DOCK2: variants seen among roughly 807,000 people sequenced by gnomAD.
DOCK2 encodes dedicator of cytokinesis 2, also known as dedicator of cytokinesis protein 2.
A neutral mutation model predicts 248.9 loss-of-function variants in DOCK2; 87 were observed. The ratio of observed to expected loss-of-function variants is 0.35; its 90% CI spans 0.29 to 0.42. DOCK2 has a LOEUF of 0.42. Ranked by LOEUF, DOCK2 falls within the 10% of genes least tolerant of loss-of-function variation. The probability of loss-of-function intolerance (pLI) is 1.00; values close to 1 mark genes in which losing one functional copy is unlikely to be tolerated. For synonymous variants in DOCK2, 805 were observed against 821.6 expected (o/e 0.98, Z 0.35); for missense variants, 1,747 against 2,300.2 (o/e 0.76, Z 4.92).
chr5:169,699,485 G>C (rs770559898), intron 12 of DOCK2, 27 bp downstream of exon 12: 73 of 1,599,342 alleles, frequency 4.6e-5, no homozygotes, highest in Non-Finnish European at 5.9e-5. Context: ...CCAGTGGGCT[G>C]AGCCTGCTCC....
At chr5:169,701,883 C>A (rs571510197) in intron 13 of DOCK2, among the ~76,000 whole-genome samples, 1 of 152,208 alleles carries the variant, frequency 6.6e-6, no homozygotes, top group African/African-American at 2.4e-5. Context: ...ACCCTGTGTC[C>A]CTAGGACACA....
At chr5:169,869,625 G>A (rs1205704771) in intron 27 of DOCK2, among the ~76,000 whole-genome samples, 2 of 152,218 alleles carry the variant, frequency 1.3e-5, no homozygotes, top group Non-Finnish European at 2.9e-5. Flanking sequence ...GTAGAAAAGA[G>A]AAGATGCATT....
chr5:169,901,146 T>C (rs575273620), intron 27 of DOCK2, among the ~76,000 whole-genome samples: 1 of 152,186 alleles, frequency 6.6e-6, no homozygotes, highest in South Asian at 2.1e-4. Context: ...GATGTTTGCA[T>C]TGAGGAGGGA....
At chr5:170,055,942 T>G (rs1356415113) in intron 42 of DOCK2, among the ~76,000 whole-genome samples, 1 of 152,260 alleles carries the variant, frequency 6.6e-6, no homozygotes, top group African/African-American at 2.4e-5. Context: ...GGGGCCTCTG[T>G]GGGACCCAAG....
chr5:169,757,827 A>T lies in DOCK2; in HGVS notation c.2377-1878A>T, dbSNP rs1253932149. Among the ~76,000 whole-genome samples the T allele has an allele frequency of 2.0e-5, 3 of 152,226 alleles. No homozygotes were observed. In the East Asian group the frequency reaches 5.8e-4, roughly 29 times the overall value. On this transcript the variant is annotated intron_variant, in intron 23 of 51. Coordinates refer to ENST00000520908, the MANE Select transcript of DOCK2 (RefSeq NM_004946.3). ...TCAATAAATATGGAAAAGATGCTCA[A>T]CCATACTAGCCACCAAAAAGTTGCA... is the stretch of plus-strand genomic sequence containing the variant.
chr5:169,761,439 C>T, intron 24 of DOCK2, 80 bp from the exon 25 acceptor site: 2 of 1,195,454 alleles, frequency 1.7e-6, no homozygotes, highest in East Asian at 2.4e-5. Flanking sequence ...GCTAGAGGTC[C>T]AGGGATGGAC....
chr5:169,943,257 T>C (rs910737641), intron 27 of DOCK2, among the ~76,000 whole-genome samples: 1 of 152,106 alleles, frequency 6.6e-6, no homozygotes, highest in Non-Finnish European at 1.5e-5. Flanking sequence ...TACATTTCCT[T>C]TGAAGAAAAC....
In DOCK2 at chr5:170,040,322, C is replaced by G. The variant is rs1366833004; in HGVS notation, c.3666-733C>G. ...CCCTTCCTTTGTCCTTGTTCTCATC[C>G]TCAGTACCCTCAGTTATATTGCCAT... On this transcript the variant is annotated intron_variant, in intron 36 of 51. Transcript: ENST00000520908. 3.9e-5 allele frequency among the ~76,000 whole-genome samples: 6 copies of G among 152,318 alleles called. No homozygotes were observed. The South Asian group carries it at 8.3e-4, about 21-fold the overall frequency.
chr5:169,951,081 A>G (rs1581463133), intron 27 of DOCK2, among the ~76,000 whole-genome samples: 1 of 152,280 alleles, frequency 6.6e-6, no homozygotes, highest in South Asian at 2.1e-4. Flanking sequence ...AGCTGATGAG[A>G]CCTGCCTGCC....
chr5:169,714,559 CT>C, intron 19 of DOCK2, 102 bp downstream of exon 19: 1 of 1,268,852 alleles, frequency 7.9e-7, no homozygotes, highest in African/African-American at 1.5e-5. Flanking sequence ...CATGGGGAAA[CT>C]TTTCTTCCAA....
At position 169,698,249 on chromosome 5, in the gene DOCK2, T is replaced by C. The variant is rs149011296; in HGVS notation, c.980-125T>C. The C allele has an allele frequency of 3.3e-3, 2,879 of 861,992 alleles. 55 individuals are homozygous for C. In the African/African-American group the frequency reaches 0.043, roughly 13 times the overall value. 53.4% of individuals were successfully genotyped at this position (861,992 alleles called of 1,614,324 possible). On this transcript the variant is annotated intron_variant, in intron 10 of 51. Transcript: ENST00000520908. ...TTGTGCAGCACTGGCTTGCTTGCCA[T>C]TTTAGGCCTTCCTGACCCCCAGGCA...
intron 27 of DOCK2, among the ~76,000 whole-genome samples, chr5:169,944,924 A>G (rs1169171317): frequency 3.3e-5 from 5 of 152,128 alleles, no homozygotes; most frequent in Non-Finnish European, 7.3e-5. Context: ...TGTCTGCTAC[A>G]TGTTCTAACT....
chr5:169,687,472 A>G (rs1013943133), intron 8 of DOCK2, among the ~76,000 whole-genome samples: 17 of 152,290 alleles, frequency 1.1e-4, no homozygotes, highest in Middle Eastern at 3.4e-3. Flanking sequence ...CATCAGAGAT[A>G]AAACAAGCTC....
At chr5:170,004,943 G>A (rs1250249400) in intron 30 of DOCK2, among the ~76,000 whole-genome samples, 2 of 141,862 alleles carry the variant, frequency 1.4e-5, no homozygotes, top group Admixed American at 7.0e-5. Flanking sequence ...GGGAGGGATA[G>A]CATTGGGAGA....
chr5:169,692,634 A>G (rs746419873), intron 9 of DOCK2, among the ~76,000 whole-genome samples: 1 of 152,162 alleles, frequency 6.6e-6, no homozygotes, highest in Non-Finnish European at 1.5e-5. Context: ...ATGGGGGCTT[A>G]CCTGGGAATC....
intron 27 of DOCK2, among the ~76,000 whole-genome samples, chr5:169,964,330 C>A (rs1243375139): frequency 6.6e-6 from 1 of 152,186 alleles, no homozygotes; most frequent in Non-Finnish European, 1.5e-5. Context: ...CTCCCACCCC[C>A]AAGCTCAGAC....
At chr5:170,067,710 C>T (rs1757541923) in intron 45 of DOCK2, 24 bp downstream of exon 45, 1 of 1,612,278 alleles carries the variant, frequency 6.2e-7, no homozygotes, top group East Asian at 2.2e-5. Context: ...TTCTCCAAGT[C>T]TAGGGGAGCT....
rs1040749580 is a variant in DOCK2 at position 170,082,974 on chromosome 5, C to T, written c.*116C>T. 2.1e-5 allele frequency: 29 copies of T among 1,386,076 alleles called. No individual in the cohort carries two copies. In the East Asian group the frequency reaches 5.0e-4, roughly 24 times the overall value. The allele number at this position is 1,386,076 out of a possible 1,614,324, so 85.9% of individuals were successfully genotyped here. ...TGGGAGACTGTCCCCATCAGTTGTC[C>T]TTACTTAGAGGAGACAGAGAGGCCA... On this transcript the variant is annotated 3_prime_UTR_variant, in exon 52 of 52. Transcript: ENST00000520908.
chr5:169,720,286 T>TA, intron 22 of DOCK2, among the ~76,000 whole-genome samples: 1 of 152,240 alleles, frequency 6.6e-6, no homozygotes, highest in Non-Finnish European at 1.5e-5. Flanking sequence ...ACATTGCAGT[T>TA]ACAGCTTAAA....
Sources: allele counts gnomAD v4.1 joint callset (sites outside exome capture counted in the v4.1 genomes callset), GRCh38; gene constraint gnomAD v4.1.1; transcripts MANE v1.5; gene names NCBI Gene and HGNC (gene_info 2026-07-23, HGNC 2026-07-21).